The following RECK variants were observed in gnomAD, a reference collection of about 807,000 sequenced individuals.
RECK encodes the protein reversion-inducing cysteine-rich protein with Kazal motifs.
RECK carries 69 observed loss-of-function variants against 115.1 expected under a neutral mutation model. That is an observed-to-expected ratio of 0.60 (90% CI 0.49 to 0.73). The LOEUF (loss-of-function observed/expected upper bound fraction) is 0.73. Ranked by LOEUF, RECK falls within the 30% of genes least tolerant of loss-of-function variation. The probability of loss-of-function intolerance (pLI) is 0.00; values close to 1 mark genes in which losing one functional copy is unlikely to be tolerated. For missense variants in RECK, 1,047 were observed against 1,203.7 expected, an observed-to-expected ratio of 0.87 and a Z score of 1.93; for synonymous variants, 414 against 419.7, an observed-to-expected ratio of 0.99 and a Z score of 0.17.
chr9:36,052,196 C>G, intron 1 of RECK, 69 bp from the exon 2 acceptor site: 1 of 902,258 alleles, frequency 1.1e-6, no homozygotes, highest in Admixed American at 1.7e-5. Flanking sequence ...GTTTGTGTAA[C>G]CATCTGAATT....
Position 36,092,378 on chromosome 9 carries a change from T to A in RECK, c.1085+1035T>A, listed in dbSNP as rs181926831. 1.7e-3 allele frequency among the ~76,000 whole-genome samples: 265 copies of A among 151,974 alleles called. 4 individuals are homozygous for A. The Middle Eastern group carries it at 0.024, about 14-fold the overall frequency. On this transcript the variant is annotated intron_variant, in intron 10 of 20. Coordinates refer to ENST00000377966, the MANE Select transcript of RECK (RefSeq NM_021111.3). ...AGCAGGAGGGTCTACATCTTTTTTT[T>A]TTATTATTTTTGAGACAGAATCTCA...
chr9:36,091,307 G>A lies in RECK; in HGVS notation c.1049G>A (p.Cys350Tyr), dbSNP rs1823147779. 1 of 1,597,376 alleles carries A rather than the reference G, an allele frequency of 6.3e-7. No homozygotes were observed. Among genetic ancestry groups the A allele is most frequent in the Non-Finnish European group, 8.5e-7 (1 of 1,173,506 alleles). ...GTCCGGGAACCTTGCCAGTTGGGCT[G>A]TAGAAACCTTACTTACTGTACTAAT... The part of the protein sequence containing the change: ...ADVREPCQLG[C>Y]RNLTYCTNFN... The change falls in exon 10 of 21, where the codon TGT becomes TAT. Residue 350 changes from cysteine to tyrosine, a missense_variant. Transcript: ENST00000377966.
At chr9:36,121,058 T>C (rs1587105618) in intron 19 of RECK, among the ~76,000 whole-genome samples, 1 of 152,142 alleles carries the variant, frequency 6.6e-6, no homozygotes, top group South Asian at 2.1e-4. Flanking sequence ...GACTGGTGGG[T>C]GCCCAGGTGC....
intron 6 of RECK, among the ~76,000 whole-genome samples, chr9:36,074,292 A>T (rs568078708): frequency 6.6e-6 from 1 of 152,310 alleles, no homozygotes; most frequent in South Asian, 2.1e-4. Context: ...TCATATAATT[A>T]TCTTTGTCTC....
At chr9:36,075,089 A>G (rs1047408383) in intron 6 of RECK, among the ~76,000 whole-genome samples, 1 of 152,232 alleles carries the variant, frequency 6.6e-6, no homozygotes, top group Admixed American at 6.5e-5. Context: ...GGAGTCCAAG[A>G]GAGAAAGTGG....
At chr9:36,101,589 C>T (rs1184764459) in intron 11 of RECK, among the ~76,000 whole-genome samples, 1 of 152,190 alleles carries the variant, frequency 6.6e-6, no homozygotes, top group African/African-American at 2.4e-5. Flanking sequence ...AATATGTAGA[C>T]TCTTAGCACA....
At chr9:36,063,071 G>T (rs1406767748) in intron 4 of RECK, among the ~76,000 whole-genome samples, 1 of 151,940 alleles carries the variant, frequency 6.6e-6, no homozygotes, top group African/African-American at 2.4e-5. Flanking sequence ...GGAGGCGGAG[G>T]TTGCAGTGAG....
Position 36,100,425 on chromosome 9 carries a change from T to C in RECK, c.1180T>C (p.Phe394Leu). Residue 394 changes from phenylalanine (F) to leucine (L), a missense_variant, in exon 11 of 21, where the codon TTT becomes CTT. Transcript: ENST00000377966. ...GGAGAAAGGAAGCATAAAGATGCCA[T>C]TTATCAATATACCTGTTCTTGATAT... ...LWEKGSIKMP[F>L]INIPVLDIKK... 1 of 1,613,906 alleles carries C rather than the reference T, an allele frequency of 6.2e-7. No individual in the cohort carries two copies. The highest frequency in any genetic ancestry group is 1.7e-4 in the Middle Eastern group (1 of 6,060).
intron 2 of RECK, among the ~76,000 whole-genome samples, chr9:36,055,407 T>TA (rs1821485680): frequency 6.6e-6 from 1 of 152,198 alleles, no homozygotes. Context: ...TTTTGCTTAT[T>TA]AGCTATTCAG....
chr9:36,068,872 G>C (rs1822115396), intron 6 of RECK, among the ~76,000 whole-genome samples: 1 of 152,130 alleles, frequency 6.6e-6, no homozygotes. Flanking sequence ...CCCTAAGCTG[G>C]TCTTCCCATG....
intron 1 of RECK, among the ~76,000 whole-genome samples, chr9:36,051,868 A>G (rs1009968971): frequency 6.6e-6 from 1 of 152,232 alleles, no homozygotes; most frequent in Admixed American, 6.5e-5. Context: ...TCACATGCTC[A>G]AAACAAAATT....
chr9:36,116,075 C>T lies in RECK; in HGVS notation c.2061-910C>T, dbSNP rs192938131. Reference sequence around the variant, plus strand: ...TTGCAACCAGCTGGTATCAGATCCTCGGTCTTGTAGGCACAAAAACCTGAA... The same window carrying T: ...TTGCAACCAGCTGGTATCAGATCCTTGGTCTTGTAGGCACAAAAACCTGAA... On this transcript the variant is annotated intron_variant, in intron 16 of 20. Coordinates refer to ENST00000377966, the MANE Select transcript of RECK (RefSeq NM_021111.3). 8.8e-3 allele frequency among the ~76,000 whole-genome samples: 1,332 copies of T among 150,538 alleles called. 12 individuals carry two copies. Among genetic ancestry groups the T allele is most frequent in the African/African-American group, 0.031 (1,269 of 40,988 alleles).
Position 36,088,094 on chromosome 9 carries a change from C to A in RECK, c.905+133C>A, listed in dbSNP as rs1055869424. 5.9e-6 allele frequency: 4 copies of A among 676,334 alleles called. No individual in the cohort carries two copies. In the African/African-American group the frequency reaches 7.3e-5, roughly 12 times the overall value. 41.9% of individuals were successfully genotyped at this position (676,334 alleles called of 1,614,324 possible). A position where few individuals can be genotyped will look rare whatever the true frequency, so the allele number is the denominator to read the frequency against. On this transcript the variant is annotated intron_variant, in intron 9 of 20. Coordinates refer to ENST00000377966, the MANE Select transcript of RECK (RefSeq NM_021111.3). ...ATTTAGAAAATATAAAATATTATTT[C>A]ATCCAACAAATGTGTATTGAGCATT...
At position 36,037,055 on chromosome 9, in the gene RECK, G is replaced by A; in HGVS notation, c.57G>A (p.Ala19=). The A allele has an allele frequency of 2.1e-6, 3 of 1,397,986 alleles. No homozygotes were observed. The highest frequency in any genetic ancestry group is 1.5e-5 in the South Asian group (1 of 64,776). 86.6% of individuals were successfully genotyped at this position (1,397,986 alleles called of 1,614,324 possible). A position where few individuals can be genotyped will look rare whatever the true frequency, so the allele number is the denominator to read the frequency against. The change falls in exon 1 of 21, where the codon GCG becomes GCA. Residue 19 remains alanine (A), a synonymous_variant. Transcript: ENST00000377966. Reference sequence around the variant, plus strand: ...CGCTGCTCCTTCTGCTGGCCGTGGCGGGGGTCGCGGAGGTGGCAGGGGGCC... The same window carrying A: ...CGCTGCTCCTTCTGCTGGCCGTGGCAGGGGTCGCGGAGGTGGCAGGGGGCC... The part of the protein sequence containing the change: ...RGALLLLLAV[A]GVAEVAGGLA...
intron 1 of RECK, among the ~76,000 whole-genome samples, chr9:36,046,779 T>G (rs942970155): frequency 3.3e-5 from 5 of 152,200 alleles, no homozygotes; most frequent in Non-Finnish European, 7.3e-5. Flanking sequence ...TTTCTTCTTG[T>G]TTTCCAAATT....
In RECK at chr9:36,094,484, A is replaced by C. The variant is rs1395430706; in HGVS notation, c.1085+3141A>C. 2.0e-5 allele frequency among the ~76,000 whole-genome samples: 3 copies of C among 152,144 alleles called. No individual in the cohort carries two copies. Among genetic ancestry groups the C allele is most frequent in the Admixed American group, 2.0e-4 (3 of 15,274 alleles). Reference sequence around the variant, plus strand: ...CACAAAGAGGTATAGCTAAGAAGCTAATAGGAAATATAAAATGGAAAACTA... The same window carrying C: ...CACAAAGAGGTATAGCTAAGAAGCTCATAGGAAATATAAAATGGAAAACTA... On this transcript the variant is annotated intron_variant, in intron 10 of 20. Transcript: ENST00000377966. The surrounding 1 kb of genome is among the most constrained non-coding windows in gnomAD (Gnocchi z 4.1).
intron 15 of RECK, among the ~76,000 whole-genome samples, chr9:36,111,545 C>A (rs149058045): frequency 9.3e-4 from 141 of 152,260 alleles, no homozygotes; most frequent in African/African-American, 3.2e-3. Context: ...CAGGCATGCG[C>A]CACCATGCCA....
intron 4 of RECK, among the ~76,000 whole-genome samples, chr9:36,062,874 C>G (rs1028003263): frequency 2.0e-5 from 3 of 152,096 alleles, no homozygotes; most frequent in Non-Finnish European, 4.4e-5. Context: ...GTCGCTTACA[C>G]CTGTAATCCC....
chr9:36,112,257 A>G lies in RECK; in HGVS notation c.1889-48A>G, dbSNP rs1824080547. On this transcript the variant is annotated intron_variant, in intron 15 of 20. Coordinates refer to ENST00000377966, the MANE Select transcript of RECK (RefSeq NM_021111.3). ...TGCCTTAACAAGGAAATATAAGGGG[A>G]GGGGGAATATACACATACATATTTT... 3.8e-6 allele frequency: 6 copies of G among 1,564,034 alleles called. No homozygotes were observed. In the East Asian group the frequency reaches 1.1e-4, roughly 30 times the overall value.
Sources: allele counts gnomAD v4.1 joint callset (sites outside exome capture counted in the v4.1 genomes callset), GRCh38; gene constraint gnomAD v4.1.1; non-coding constraint Gnocchi (gnomAD v3.1); transcripts MANE v1.5; gene names NCBI Gene and HGNC (gene_info 2026-07-23, HGNC 2026-07-21).